Variants in ANTXR2 observed in about 807,000 individuals in gnomAD.
ANTXR2 encodes anthrax toxin receptor 2.
In ANTXR2, 44 loss-of-function variants were observed where a neutral mutation model predicts 73.7. The observed-to-expected ratio is 0.60, with a 90% confidence interval of 0.47 to 0.77. The LOEUF (loss-of-function observed/expected upper bound fraction) is 0.77, where lower values mean the gene tolerates loss of function less well. Ranked by LOEUF, ANTXR2 falls within the 30% of genes least tolerant of loss-of-function variation. ANTXR2 has a pLI of 0.00. For synonymous variants in ANTXR2, 217 were observed against 205.9 expected (o/e 1.05, Z -0.46); for missense variants, 604 against 592.5 (o/e 1.02, Z -0.20).
At chr4:79,925,668 T>C (rs930217256) in intron 16 of ANTXR2, among the ~76,000 whole-genome samples, 4 of 152,174 alleles carry the variant, frequency 2.6e-5, no homozygotes, top group Non-Finnish European at 4.4e-5. Flanking sequence ...ATTCTCTTTG[T>C]ATGACTAGGG....
intron 16 of ANTXR2, among the ~76,000 whole-genome samples, chr4:79,919,331 TTTG>T (rs1341429993): frequency 6.6e-6 from 1 of 152,172 alleles, no homozygotes; most frequent in Non-Finnish European, 1.5e-5. Flanking sequence ...AATTTTACTA[TTTG>T]TTATTAATTC....
At chr4:80,011,868 A>G (rs1001510443) in intron 11 of ANTXR2, among the ~76,000 whole-genome samples, 6 of 152,212 alleles carry the variant, frequency 3.9e-5, no homozygotes. Flanking sequence ...GATGTCTGGG[A>G]TTAGTGTATT....
chr4:79,966,885 G>C (rs983509259), intron 16 of ANTXR2, among the ~76,000 whole-genome samples: 1 of 150,300 alleles, frequency 6.7e-6, no homozygotes, highest in African/African-American at 2.5e-5. Flanking sequence ...TACTGTGCTG[G>C]CGACTATAAG....
At chr4:80,025,465 G>A (rs921560385) in intron 10 of ANTXR2, among the ~76,000 whole-genome samples, 1 of 152,040 alleles carries the variant, frequency 6.6e-6, no homozygotes, top group African/African-American at 2.4e-5. Context: ...CATTAAAAAG[G>A]ATGAAAAAAT....
rs550162523 is a variant in ANTXR2, at chr4:79,953,060, A to T, written c.1428+24561T>A. Among the ~76,000 whole-genome samples the T allele has an allele frequency of 2.6e-5, 4 of 152,150 alleles. No homozygotes were observed. The South Asian group carries it at 8.3e-4, about 32-fold the overall frequency. Reference sequence around the variant, plus strand: ...TCCATGTGAAATAGGGAATGTAAGGACTGAGGTGTCTACCACAGGACCTAG... The same window carrying T: ...TCCATGTGAAATAGGGAATGTAAGGTCTGAGGTGTCTACCACAGGACCTAG... On this transcript the variant is annotated intron_variant, in intron 16 of 16. Transcript: ENST00000403729.
chr4:80,052,016 A>C (rs370177680), intron 7 of ANTXR2, among the ~76,000 whole-genome samples: 1 of 151,648 alleles, frequency 6.6e-6, no homozygotes, highest in South Asian at 2.1e-4. Flanking sequence ...ATGCACTGAC[A>C]ATGAGGCCAG....
At chr4:80,067,367 C>A (rs1440333228) in intron 3 of ANTXR2, among the ~76,000 whole-genome samples, 1 of 152,046 alleles carries the variant, frequency 6.6e-6, no homozygotes, top group African/African-American at 2.4e-5. Flanking sequence ...CACCCAGTGA[C>A]CTACACTTCA....
At chr4:79,930,362 G>A (rs990467530) in intron 16 of ANTXR2, among the ~76,000 whole-genome samples, 2 of 152,084 alleles carry the variant, frequency 1.3e-5, no homozygotes, top group African/African-American at 2.4e-5. Flanking sequence ...TACAACACAA[G>A]CTAGTACTCA....
intron 12 of ANTXR2, 145 bp downstream of exon 12, chr4:80,008,376 A>G: frequency 1.9e-6 from 1 of 533,636 alleles, no homozygotes; most frequent in Non-Finnish European, 3.1e-6. Context: ...GTTTTCTAGA[A>G]TTTATTATAG....
Position 80,018,822 on chromosome 4 carries a change from C to T in ANTXR2, c.945+76G>A, listed in dbSNP as rs942449590. 1.9e-5 allele frequency: 22 copies of T among 1,175,054 alleles called. No individual in the cohort carries two copies. The South Asian group carries it at 3.5e-4, about 19-fold the overall frequency. The allele number at this position is 1,175,054 out of a possible 1,614,324, so 72.8% of individuals were successfully genotyped here. A position where few individuals can be genotyped will look rare whatever the true frequency, so the allele number is the denominator to read the frequency against. On this transcript the variant is annotated intron_variant, in intron 11 of 16. Transcript: ENST00000403729. ...GCATCTCCTTTATTGTAGTATGCAACAACACCAAAGATCCATAGATTATTT... is the reference window on the plus strand; with the variant it reads ...GCATCTCCTTTATTGTAGTATGCAATAACACCAAAGATCCATAGATTATTT...
At chr4:80,067,195 G>T (rs1387195475) in intron 3 of ANTXR2, among the ~76,000 whole-genome samples, 3 of 143,864 alleles carry the variant, frequency 2.1e-5, no homozygotes, top group African/African-American at 8.0e-5. Flanking sequence ...AACAGAACGA[G>T]ACTCTGTCTC....
intron 12 of ANTXR2, among the ~76,000 whole-genome samples, chr4:80,002,500 G>T (rs1316308284): frequency 6.6e-6 from 1 of 152,060 alleles, no homozygotes; most frequent in Non-Finnish European, 1.5e-5. Flanking sequence ...ATAGGCATGG[G>T]CAAGGACTTC....
At chr4:79,931,166 A>T (rs558083298) in intron 16 of ANTXR2, among the ~76,000 whole-genome samples, 3 of 152,348 alleles carry the variant, frequency 2.0e-5, no homozygotes, top group Non-Finnish European at 2.9e-5. Flanking sequence ...ACACATATTC[A>T]AATTGTGTAC....
intron 10 of ANTXR2, chr4:80,024,722 C>T: frequency 2.2e-6 from 1 of 451,776 alleles, no homozygotes; most frequent in South Asian, 1.6e-5. Flanking sequence ...GATCATGCCA[C>T]TTCACTCCAG....
intron 7 of ANTXR2, among the ~76,000 whole-genome samples, chr4:80,043,442 A>T (rs537283502): frequency 6.6e-6 from 1 of 152,180 alleles, no homozygotes; most frequent in Non-Finnish European, 1.5e-5. Context: ...TCAAAACCCA[A>T]GTATTTTTCC....
chr4:79,911,407 AG>A (rs1727130516), intron 16 of ANTXR2, among the ~76,000 whole-genome samples: 3 of 152,126 alleles, frequency 2.0e-5, no homozygotes, highest in African/African-American at 7.2e-5. Context: ...AAATAACAAA[AG>A]TTAACTAAAT....
At chr4:80,061,524 T>C (rs1292694597) in intron 3 of ANTXR2, among the ~76,000 whole-genome samples, 1 of 152,116 alleles carries the variant, frequency 6.6e-6, no homozygotes, top group Non-Finnish European at 1.5e-5. Context: ...AATGTAGCAA[T>C]ACATAAGGAT....
intron 16 of ANTXR2, among the ~76,000 whole-genome samples, chr4:79,925,224 C>T (rs1369117845): frequency 6.6e-6 from 1 of 150,906 alleles, no homozygotes; most frequent in Non-Finnish European, 1.5e-5. Flanking sequence ...AGCAAGCCAG[C>T]TGTTCATTCT....
chr4:79,955,204 A>G (rs1316761615), intron 16 of ANTXR2, among the ~76,000 whole-genome samples: 1 of 152,202 alleles, frequency 6.6e-6, no homozygotes. Context: ...AGGAAACTGG[A>G]ATAAAATTTA....
Sources: gnomAD v4.1 joint callset for allele counts (sites outside exome capture counted in the v4.1 genomes callset) on GRCh38, gnomAD v4.1.1 for gene constraint, MANE v1.5 for transcripts, NCBI Gene and HGNC (gene_info 2026-07-23, HGNC 2026-07-21) for gene names.